EPHA6: variants seen among roughly 807,000 people sequenced by gnomAD.
The protein encoded by EPHA6 is EPH receptor A6.
In EPHA6, 50 loss-of-function variants were observed where a neutral mutation model predicts 112.0. That is an observed-to-expected ratio of 0.45 (90% CI 0.36 to 0.56). The LOEUF is 0.56. Ranked by LOEUF, EPHA6 falls within the 20% of genes least tolerant of loss-of-function variation. The pLI, the probability that EPHA6 is intolerant of heterozygous loss-of-function variation, is 0.00. For synonymous variants in EPHA6, 529 were observed against 490.7 expected, an observed-to-expected ratio of 1.08 and a Z score of -1.03; for missense variants, 1,280 against 1,417.4, an observed-to-expected ratio of 0.90 and a Z score of 1.56.
intron 5 of EPHA6, among the ~76,000 whole-genome samples, chr3:97,259,290 A>G (rs551532100): frequency 6.6e-6 from 1 of 151,174 alleles, no homozygotes; most frequent in South Asian, 2.1e-4. Context: ...CATAACAATA[A>G]GAATATCTTC....
intron 3 of EPHA6, among the ~76,000 whole-genome samples, chr3:97,193,596 AT>A (rs138796851): frequency 0.059 from 8,883 of 149,784 alleles, 648 homozygotes; most frequent in Admixed American, 0.21. Flanking sequence ...GGATAACTTG[AT>A]TTTTTTTTTC....
At chr3:96,853,482 G>C (rs2107384277) in intron 1 of EPHA6, among the ~76,000 whole-genome samples, 1 of 151,838 alleles carries the variant, frequency 6.6e-6, no homozygotes, top group South Asian at 2.1e-4. Flanking sequence ...TGCATTGACT[G>C]TTTCTGTGTG....
intron 3 of EPHA6, among the ~76,000 whole-genome samples, chr3:97,028,475 C>T (rs980637433): frequency 3.3e-5 from 5 of 151,924 alleles, no homozygotes; most frequent in African/African-American, 4.8e-5. Flanking sequence ...GTTACAGTTG[C>T]GATTACTTAA....
At chr3:96,846,394 C>A (rs146549623) in intron 1 of EPHA6, among the ~76,000 whole-genome samples, 4 of 151,992 alleles carry the variant, frequency 2.6e-5, no homozygotes. Context: ...CTGACCCACT[C>A]GGATTGAGGT....
chr3:97,161,320 A>G (rs976661178), intron 3 of EPHA6, among the ~76,000 whole-genome samples: 4 of 152,146 alleles, frequency 2.6e-5, no homozygotes, highest in Non-Finnish European at 5.9e-5. Flanking sequence ...CCTGTACTAC[A>G]GACCTGTAGG....
At chr3:97,309,960 A>G (rs9827638) in intron 5 of EPHA6, among the ~76,000 whole-genome samples, 2 of 151,730 alleles carry the variant, frequency 1.3e-5, no homozygotes, top group Non-Finnish European at 3.0e-5. Context: ...TGAACTATCA[A>G]ATAATAACTA....
intron 5 of EPHA6, among the ~76,000 whole-genome samples, chr3:97,272,656 G>T (rs1230961180): frequency 6.6e-6 from 1 of 152,022 alleles, no homozygotes; most frequent in Non-Finnish European, 1.5e-5. Flanking sequence ...GGCAGGCAGG[G>T]GTGGGGGTCA....
intron 3 of EPHA6, among the ~76,000 whole-genome samples, chr3:97,100,545 C>T (rs2047374472): frequency 1.3e-5 from 2 of 151,832 alleles, no homozygotes. Context: ...CTCTTTAGTA[C>T]TAAGACTGAG....
At position 97,471,396 on chromosome 3, in the gene EPHA6, C is replaced by A. The variant is rs142168789; in HGVS notation, c.1895-3956C>A. 1.1e-4 allele frequency among the ~76,000 whole-genome samples: 16 copies of A among 151,790 alleles called. No individual in the cohort carries two copies. The East Asian group carries it at 3.1e-3, about 29-fold the overall frequency. On this transcript the variant is annotated intron_variant, in intron 7 of 17. Coordinates refer to ENST00000389672, the MANE Select transcript of EPHA6 (RefSeq NM_001080448.3). ...CCACTGAACTGAAAATCCATGAGCA[C>A]AGTAACTGTGTTTTGTTCATCACTG...
At chr3:97,346,554 C>T (rs528321203) in intron 5 of EPHA6, among the ~76,000 whole-genome samples, 32 of 152,210 alleles carry the variant, frequency 2.1e-4, no homozygotes, top group African/African-American at 7.5e-4. Flanking sequence ...ACTCCAGCTC[C>T]CACCATCACA....
At chr3:97,071,188 A>G (rs1192340860) in intron 3 of EPHA6, among the ~76,000 whole-genome samples, 7 of 152,084 alleles carry the variant, frequency 4.6e-5, no homozygotes, top group African/African-American at 1.4e-4. Context: ...TTCCTTCTTC[A>G]GCTTGCTATA....
At chr3:97,559,948 C>T (rs965074327) in intron 11 of EPHA6, among the ~76,000 whole-genome samples, 2 of 151,612 alleles carry the variant, frequency 1.3e-5, no homozygotes, top group South Asian at 4.2e-4. Flanking sequence ...TGTAAGAAAA[C>T]CCCTTTAAAA....
At position 97,278,323 on chromosome 3, in the gene EPHA6, G is replaced by C. The variant is rs182827706; in HGVS notation, c.1606+34036G>C. On this transcript the variant is annotated intron_variant, in intron 5 of 17. Transcript: ENST00000389672. Reference sequence around the variant, plus strand: ...AAGTTAGGACTGGTCGTGTTATGCTGATACTTAAAGATGTTTCCCAAATGC... The same window carrying C: ...AAGTTAGGACTGGTCGTGTTATGCTCATACTTAAAGATGTTTCCCAAATGC... Among the ~76,000 whole-genome samples the C allele has an allele frequency of 6.6e-5, 10 of 152,294 alleles. No individual in the cohort carries two copies. In the East Asian group the frequency reaches 9.6e-4, roughly 15 times the overall value.
chr3:97,025,060 C>G lies in EPHA6; in HGVS notation c.1114+37067C>G, dbSNP rs144592011. Among the ~76,000 whole-genome samples the G allele has an allele frequency of 2.1e-3, 326 of 152,262 alleles. 1 individual carries two copies. Among genetic ancestry groups the G allele is most frequent in the African/African-American group, 7.6e-3 (316 of 41,550 alleles). ...ATGCAGGCTCTGGATTTCAGATTGA[C>G]TGAGTTCTAAGCTCAGTTTTGCCAC... On this transcript the variant is annotated intron_variant, in intron 3 of 17. Transcript: ENST00000389672.
intron 3 of EPHA6, among the ~76,000 whole-genome samples, chr3:97,156,119 C>G (rs570330734): frequency 6.6e-6 from 1 of 152,220 alleles, no homozygotes; most frequent in South Asian, 2.1e-4. Context: ...ATTTTATCAG[C>G]TCTGTAAATG....
At chr3:97,732,377 AGCCTGTTCTATGT>A (rs1485229256) in intron 15 of EPHA6, among the ~76,000 whole-genome samples, 8 of 151,812 alleles carry the variant, frequency 5.3e-5, no homozygotes, top group Non-Finnish European at 1.2e-4. Flanking sequence ...CTCCCATAAC[AGCCTGTTCTATGT>A]GGCACTTCCC....
intron 14 of EPHA6, among the ~76,000 whole-genome samples, chr3:97,638,415 C>T (rs1414687129): frequency 1.3e-5 from 2 of 151,940 alleles, no homozygotes; most frequent in Admixed American, 1.3e-4. Flanking sequence ...AAATAGAGTT[C>T]TGTGTATCTA....
intron 7 of EPHA6, among the ~76,000 whole-genome samples, chr3:97,470,783 A>G (rs1420259600): frequency 6.6e-6 from 1 of 151,632 alleles, no homozygotes; most frequent in African/African-American, 2.4e-5. Flanking sequence ...CTTCCTCTTA[A>G]GGAAGTATAC....
chr3:97,479,191 T>C (rs2091459487), intron 8 of EPHA6, 103 bp from the exon 9 acceptor site: 2 of 648,414 alleles, frequency 3.1e-6, no homozygotes, highest in Admixed American at 3.5e-5. Context: ...AAGTGGTCTT[T>C]ATGACAAGAA....
Sources: gnomAD v4.1 joint callset for allele counts (sites outside exome capture counted in the v4.1 genomes callset) on GRCh38, gnomAD v4.1.1 for gene constraint, MANE v1.5 for transcripts, NCBI Gene and HGNC (gene_info 2026-07-23, HGNC 2026-07-21) for gene names.